The following SLC6A11 variants were observed in gnomAD, a reference collection of about 807,000 sequenced individuals.
SLC6A11 encodes the protein solute carrier family 6 member 11, also known as sodium- and chloride-dependent GABA transporter 3.
A neutral mutation model predicts 74.8 loss-of-function variants in SLC6A11; 25 were observed. The ratio of observed to expected loss-of-function variants is 0.33; its 90% CI spans 0.24 to 0.47. The LOEUF is 0.47. Ranked by LOEUF, SLC6A11 falls within the 20% of genes least tolerant of loss-of-function variation. The pLI is 1.00. For synonymous variants in SLC6A11, 330 were observed against 330.2 expected (o/e 1.00, Z 0.01); for missense variants, 574 against 837.0 (o/e 0.69, Z 3.88).
At chr3:10,839,071 C>A (rs1014603234) in intron 4 of SLC6A11, among the ~76,000 whole-genome samples, 1 of 152,168 alleles carries the variant, frequency 6.6e-6, no homozygotes, top group African/African-American at 2.4e-5. Flanking sequence ...CCTGTGGATT[C>A]TGTCCCTGCC....
intron 6 of SLC6A11, among the ~76,000 whole-genome samples, chr3:10,882,932 G>A (rs563609851): frequency 9.2e-4 from 140 of 152,204 alleles, no homozygotes; most frequent in African/African-American, 3.2e-3. Context: ...TTCCCTTCTG[G>A]CACCCAGCCT....
At chr3:10,933,004 T>A (rs559683431) in intron 10 of SLC6A11, 147 bp from the exon 11 acceptor site, 13 of 651,988 alleles carry the variant, frequency 2.0e-5, no homozygotes, top group Non-Finnish European at 3.3e-5. Context: ...GGTGCAATTT[T>A]CAAACTGGGA....
At chr3:10,933,377 C>A (rs1575709310) in intron 11 of SLC6A11, 124 bp downstream of exon 11, 1 of 690,918 alleles carries the variant, frequency 1.4e-6, no homozygotes, top group East Asian at 2.5e-5. Flanking sequence ...CCTCTTCTTA[C>A]TCTTCAGGGA....
At chr3:10,881,056 G>C (rs11720695) in intron 6 of SLC6A11, among the ~76,000 whole-genome samples, 4,519 of 152,194 alleles carry the variant, frequency 0.03, 117 homozygotes, top group East Asian at 0.11. Flanking sequence ...ATTGTTGTTG[G>C]TAATCATCTG....
At chr3:10,880,623 C>T (rs1298664312) in intron 6 of SLC6A11, among the ~76,000 whole-genome samples, 1 of 151,892 alleles carries the variant, frequency 6.6e-6, no homozygotes, top group African/African-American at 2.4e-5. Flanking sequence ...TTTCAGGTCT[C>T]CAGCCTCTGA....
At chr3:10,835,238 G>A (rs1442672073) in intron 4 of SLC6A11, among the ~76,000 whole-genome samples, 1 of 152,216 alleles carries the variant, frequency 6.6e-6, no homozygotes, top group Non-Finnish European at 1.5e-5. Flanking sequence ...TAGGGCAGCC[G>A]TGACCTGGGC....
At chr3:10,892,473 C>T (rs1330923416) in intron 6 of SLC6A11, among the ~76,000 whole-genome samples, 1 of 152,098 alleles carries the variant, frequency 6.6e-6, no homozygotes, top group African/African-American at 2.4e-5. Context: ...ATCAGGAAAC[C>T]CAGCTCCACC....
chr3:10,890,174 T>C (rs554602406), intron 6 of SLC6A11, among the ~76,000 whole-genome samples: 1 of 152,104 alleles, frequency 6.6e-6, no homozygotes, highest in Non-Finnish European at 1.5e-5. Context: ...CTATTGGACA[T>C]TAGTGCTTTA....
chr3:10,851,135 C>A (rs1016600227), intron 5 of SLC6A11, among the ~76,000 whole-genome samples: 6 of 152,008 alleles, frequency 3.9e-5, no homozygotes, highest in Admixed American at 6.6e-5. Context: ...GCTCCTGTTC[C>A]TTGCTCTCCC....
At chr3:10,919,708 G>A (rs910102831) in intron 8 of SLC6A11, among the ~76,000 whole-genome samples, 4 of 152,236 alleles carry the variant, frequency 2.6e-5, no homozygotes, top group African/African-American at 9.6e-5. Context: ...GAGGATACGA[G>A]TATGATCAAA....
intron 3 of SLC6A11, among the ~76,000 whole-genome samples, chr3:10,823,042 G>A (rs1193016835): frequency 1.3e-5 from 2 of 152,206 alleles, no homozygotes. Context: ...CAAGGGTAGA[G>A]GAGACAGTTT....
At chr3:10,920,108 GA>G (rs779453263) in intron 8 of SLC6A11, among the ~76,000 whole-genome samples, 18 of 152,176 alleles carry the variant, frequency 1.2e-4, no homozygotes, top group Non-Finnish European at 2.2e-4. Context: ...TGCGCACCCT[GA>G]AACTCCCTCG....
intron 6 of SLC6A11, among the ~76,000 whole-genome samples, chr3:10,876,175 G>A (rs1297283719): frequency 6.6e-6 from 1 of 152,196 alleles, no homozygotes; most frequent in Non-Finnish European, 1.5e-5. Flanking sequence ...CAGCTCAGAG[G>A]CCCCTCATCA....
At chr3:10,932,162 TC>T (rs1695696736) in intron 10 of SLC6A11, among the ~76,000 whole-genome samples, 1 of 152,184 alleles carries the variant, frequency 6.6e-6, no homozygotes, top group South Asian at 2.1e-4. Flanking sequence ...TCCTCTCTCC[TC>T]CCCTCCCTCC....
At chr3:10,922,691 A>G (rs1403943108) in intron 8 of SLC6A11, among the ~76,000 whole-genome samples, 1 of 152,158 alleles carries the variant, frequency 6.6e-6, no homozygotes, top group African/African-American at 2.4e-5. Flanking sequence ...GTAATGTTTC[A>G]CATACCACTC....
chr3:10,891,334 G>A (rs1559573542), intron 6 of SLC6A11, among the ~76,000 whole-genome samples: 1 of 152,090 alleles, frequency 6.6e-6, no homozygotes, highest in South Asian at 2.1e-4. Context: ...TTAACCCTCA[G>A]CATTTACTTT....
chr3:10,919,360 G>C (rs1277404162), intron 8 of SLC6A11, among the ~76,000 whole-genome samples: 1 of 152,212 alleles, frequency 6.6e-6, no homozygotes, highest in Non-Finnish European at 1.5e-5. Flanking sequence ...TCACCTACAA[G>C]CATGTCCAGT....
In SLC6A11 at chr3:10,915,718, G is replaced by A. The variant is rs2106627552; in HGVS notation, c.996-2611G>A. 6.6e-6 allele frequency among the ~76,000 whole-genome samples: 1 copy of A among 152,216 alleles called. No individual in the cohort carries two copies. The highest frequency in any genetic ancestry group is 2.4e-5 in the African/African-American group (1 of 41,530). On this transcript the variant is annotated intron_variant, in intron 7 of 13. Coordinates refer to ENST00000254488, the MANE Select transcript of SLC6A11 (RefSeq NM_014229.3). The surrounding 1 kb of genome is among the most constrained non-coding windows in gnomAD (Gnocchi z 4.3). Reference sequence around the variant, plus strand: ...GGAGGAGGGACTGGTCATGCATGGGGCTGGAAGGGACCTCAGGTCCCTAAA... The same window carrying A: ...GGAGGAGGGACTGGTCATGCATGGGACTGGAAGGGACCTCAGGTCCCTAAA...
At chr3:10,853,325 C>A (rs1694599714) in intron 5 of SLC6A11, among the ~76,000 whole-genome samples, 1 of 152,188 alleles carries the variant, frequency 6.6e-6, no homozygotes, top group African/African-American at 2.4e-5. Flanking sequence ...GAGCCTGGGA[C>A]TGGATGGCTA....
Sources: gnomAD v4.1 joint callset for allele counts (sites outside exome capture counted in the v4.1 genomes callset) on GRCh38, gnomAD v4.1.1 for gene constraint, Gnocchi (gnomAD v3.1) non-coding constraint, MANE v1.5 for transcripts, NCBI Gene and HGNC (gene_info 2026-07-23, HGNC 2026-07-21) for gene names.